The following TENM1 variants were observed in gnomAD, a reference collection of about 807,000 sequenced individuals.
The protein encoded by TENM1 is teneurin transmembrane protein 1, also known as teneurin-1.
Under a neutral mutation model 174.8 loss-of-function variants are expected in TENM1, and 35 were observed. The ratio of observed to expected loss-of-function variants is 0.20; its 90% CI spans 0.15 to 0.27. The LOEUF (loss-of-function observed/expected upper bound fraction) is 0.27. Among genes scored for constraint, TENM1 ranks in the 10% least tolerant of loss-of-function variants. TENM1 has a pLI of 1.00. For synonymous variants in TENM1, 781 were observed against 798.7 expected, an observed-to-expected ratio of 0.98 and a Z score of 0.37; for missense variants, 1,633 against 2,130.1, an observed-to-expected ratio of 0.77 and a Z score of 4.59.
chrX:124,502,120 T>C (rs2047344677), intron 19 of TENM1, among the ~76,000 whole-genome samples: 1 of 112,322 alleles, frequency 8.9e-6, no homozygotes, highest in Non-Finnish European at 1.9e-5. Flanking sequence ...GTTGCACAAC[T>C]ACAAATTTAC....
At chrX:125,204,171 GAGC>G in the TENM1 span, 4 of 112,918 alleles carry the variant, frequency 3.5e-5, no homozygotes, top group African/African-American at 1.3e-4. Context: ...GTGTGTGAGA[GAGC>G]AGAAGGGGTG....
intron 1 of TENM1, among the ~76,000 whole-genome samples, chrX:124,922,189 T>A (rs1237954064): frequency 8.9e-6 from 1 of 111,805 alleles, no homozygotes; most frequent in Non-Finnish European, 1.9e-5. Context: ...GATGGTAAGT[T>A]ACTTGGTTTG....
intron 14 of TENM1, among the ~76,000 whole-genome samples, chrX:124,558,186 C>T (rs2048735471): frequency 9.0e-6 from 1 of 111,710 alleles, no homozygotes; most frequent in Non-Finnish European, 1.9e-5. Context: ...GCGGTGTCAC[C>T]CACATATTCA....
chrX:124,933,722 T>C (rs763765490), intron 1 of TENM1, among the ~76,000 whole-genome samples: 1 of 112,201 alleles, frequency 8.9e-6, no homozygotes, highest in East Asian at 2.8e-4. Flanking sequence ...TTTAAAGGCA[T>C]ACATTTACAT....
chrX:125,161,710 T>C, the TENM1 span, among the ~76,000 whole-genome samples: 1 of 112,272 alleles, frequency 8.9e-6, no homozygotes, highest in Non-Finnish European at 1.9e-5. Flanking sequence ...AAATTTGACT[T>C]TGGTGATGGA....
chrX:124,594,929 T>C (rs2148264739), intron 11 of TENM1, among the ~76,000 whole-genome samples: 1 of 112,153 alleles, frequency 8.9e-6, no homozygotes, highest in Non-Finnish European at 1.9e-5. Flanking sequence ...AAAGGTCAGT[T>C]CTCACACGTT....
chrX:124,623,905 G>A (rs2050579189), intron 11 of TENM1, among the ~76,000 whole-genome samples: 2 of 111,560 alleles, frequency 1.8e-5, no homozygotes, highest in African/African-American at 6.5e-5. Flanking sequence ...AGAGCACTAG[G>A]CACATTTCTG....
At chrX:124,718,029 T>C (rs2053226803) in intron 4 of TENM1, among the ~76,000 whole-genome samples, 1 of 112,603 alleles carries the variant, frequency 8.9e-6, no homozygotes, top group African/African-American at 3.2e-5. Flanking sequence ...ACTACTGCTA[T>C]TGTCTACAAT....
At chrX:125,139,876 A>ACG in the TENM1 span, among the ~76,000 whole-genome samples, 4 of 108,739 alleles carry the variant, frequency 3.7e-5, no homozygotes, top group African/African-American at 1.0e-4. Flanking sequence ...AGAGAGAGAG[A>ACG]GAGAGAGAGA....
At chrX:124,444,764 A>G (rs1255161559) in intron 23 of TENM1, among the ~76,000 whole-genome samples, 2 of 111,173 alleles carry the variant, frequency 1.8e-5, no homozygotes, top group Non-Finnish European at 3.8e-5. Context: ...TTCATTCTGG[A>G]AGCCATGGTG....
In TENM1 at chrX:124,486,614, C is replaced by T. The variant is rs112146058; in HGVS notation, c.3716+595G>A. ...TAGAACAGTTTTGACAAGTGTAATG[C>T]GTAAACACATTGAATAGAAATATTC... On this transcript the variant is annotated intron_variant, in intron 21 of 31. Transcript: ENST00000422452. Among the ~76,000 whole-genome samples, 360 of 111,867 alleles carry T rather than the reference C, an allele frequency of 3.2e-3. 1 individual carries two copies. Among genetic ancestry groups the T allele is most frequent in the African/African-American group, 0.011 (333 of 30,846 alleles).
At chrX:124,471,089 T>C (rs1384398550) in intron 22 of TENM1, among the ~76,000 whole-genome samples, 2 of 91,560 alleles carry the variant, frequency 2.2e-5, no homozygotes, top group African/African-American at 8.0e-5. Flanking sequence ...TATACTCCCT[T>C]TCAAACTTTC....
intron 23 of TENM1, among the ~76,000 whole-genome samples, chrX:124,429,100 T>A (rs2060749742): frequency 9.0e-6 from 1 of 111,586 alleles, no homozygotes. Context: ...TATTAACATC[T>A]CCACTCTCAG....
intron 20 of TENM1, among the ~76,000 whole-genome samples, chrX:124,495,478 A>G (rs1209059939): frequency 1.0e-4 from 11 of 109,173 alleles, no homozygotes; most frequent in African/African-American, 3.7e-4. Flanking sequence ...GTTCACTCTG[A>G]TGGTAGTTTC....
the TENM1 span, among the ~76,000 whole-genome samples, chrX:125,064,689 C>T: frequency 9.0e-6 from 1 of 110,931 alleles, no homozygotes; most frequent in East Asian, 2.8e-4. Flanking sequence ...TTTCTGCAAG[C>T]TCCGCCTCCT....
the TENM1 span, among the ~76,000 whole-genome samples, chrX:125,186,333 A>G: frequency 9.0e-6 from 1 of 111,333 alleles, no homozygotes; most frequent in African/African-American, 3.3e-5. Context: ...CCTTTTACCA[A>G]CGTCCCACAT....
At chrX:124,415,257 G>C (rs1482279986) in intron 25 of TENM1, among the ~76,000 whole-genome samples, 1 of 112,330 alleles carries the variant, frequency 8.9e-6, no homozygotes, top group African/African-American at 3.2e-5. Context: ...GAAGGGACAG[G>C]AGCTGTGTTT....
intron 6 of TENM1, among the ~76,000 whole-genome samples, chrX:124,656,017 C>T (rs750048720): frequency 8.9e-6 from 1 of 112,193 alleles, no homozygotes; most frequent in African/African-American, 3.2e-5. Context: ...TCAGTTTATT[C>T]AACTGCTATC....
At chrX:124,960,563 G>A in intron 1 of TENM1, among the ~76,000 whole-genome samples, 1 of 111,864 alleles carries the variant, frequency 8.9e-6, no homozygotes, top group South Asian at 3.8e-4. Flanking sequence ...ACGTTAGAAT[G>A]ACATCATAGA....
Sources: allele counts gnomAD v4.1 joint callset (sites outside exome capture counted in the v4.1 genomes callset), GRCh38; gene constraint gnomAD v4.1.1; transcripts MANE v1.5; gene names NCBI Gene and HGNC (gene_info 2026-07-23, HGNC 2026-07-21).